ALCAM: variants seen among roughly 807,000 people sequenced by gnomAD.
ALCAM encodes CD166 antigen.
Under a neutral mutation model 70.9 loss-of-function variants are expected in ALCAM, and 30 were observed. The observed-to-expected ratio is 0.42, with a 90% confidence interval of 0.32 to 0.57. The LOEUF (loss-of-function observed/expected upper bound fraction) is 0.57, where lower values mean the gene tolerates loss of function less well. Among genes scored for constraint, ALCAM ranks in the 20% least tolerant of loss-of-function variants. The pLI is 0.11. For synonymous variants in ALCAM, 249 were observed against 242.5 expected (o/e 1.03, Z -0.25); for missense variants, 591 against 695.1 (o/e 0.85, Z 1.68).
intron 1 of ALCAM, among the ~76,000 whole-genome samples, chr3:105,382,331 G>C (rs1164393479): frequency 6.6e-6 from 1 of 151,894 alleles, no homozygotes; most frequent in African/African-American, 2.4e-5. Flanking sequence ...TCTTAATCCA[G>C]TCTATCATTG....
intron 1 of ALCAM, among the ~76,000 whole-genome samples, chr3:105,371,029 T>A (rs1350137728): frequency 2.0e-5 from 3 of 152,198 alleles, no homozygotes; most frequent in African/African-American, 7.2e-5. Flanking sequence ...AATATTTTTC[T>A]ATTGTTTTAA....
At chr3:105,562,901 G>T (rs562249878) in intron 14 of ALCAM, among the ~76,000 whole-genome samples, 2 of 152,238 alleles carry the variant, frequency 1.3e-5, no homozygotes, top group African/African-American at 4.8e-5. Flanking sequence ...CGCCTCCCAG[G>T]TTCAAATGAT....
rs376586268 is a variant in ALCAM at position 105,367,177 on chromosome 3, C to A, written c.-232C>A. On this transcript the variant is annotated 5_prime_UTR_variant, in exon 1 of 16. Transcript: ENST00000306107. Reference sequence around the variant, plus strand: ...TCCCCGGAGGAGCAGCCGAAGGGCCCGTGGGCTGGTGTTGACCGGGAGGGA... The same window carrying A: ...TCCCCGGAGGAGCAGCCGAAGGGCCAGTGGGCTGGTGTTGACCGGGAGGGA... 2.5e-4 allele frequency: 138 copies of A among 546,740 alleles called. No homozygotes were observed. The highest frequency in any genetic ancestry group is 2.5e-3 in the African/African-American group (128 of 52,024). 33.9% of individuals were successfully genotyped at this position (546,740 alleles called of 1,614,324 possible).
chr3:105,390,972 G>C (rs1305463539), intron 1 of ALCAM, among the ~76,000 whole-genome samples: 1 of 152,036 alleles, frequency 6.6e-6, no homozygotes, highest in Non-Finnish European at 1.5e-5. Flanking sequence ...TTTGGTACCT[G>C]TACCATGCTG....
intron 1 of ALCAM, among the ~76,000 whole-genome samples, chr3:105,367,997 C>A (rs1935113247): frequency 6.6e-6 from 1 of 151,894 alleles, no homozygotes; most frequent in African/African-American, 2.4e-5. Context: ...CTCCCCCCGC[C>A]CCCCTTGCGA....
intron 1 of ALCAM, among the ~76,000 whole-genome samples, chr3:105,448,150 T>G (rs187419659): frequency 1.3e-4 from 20 of 152,340 alleles, no homozygotes; most frequent in African/African-American, 4.1e-4. Flanking sequence ...ACCTGAACTG[T>G]AATTATTTCA....
intron 1 of ALCAM, among the ~76,000 whole-genome samples, chr3:105,385,028 A>G (rs531897333): frequency 6.3e-4 from 96 of 151,692 alleles, no homozygotes; most frequent in African/African-American, 2.2e-3. Context: ...CTTTTCTATT[A>G]CTTGAAAAAA....
At chr3:105,573,444 C>T (rs1449331769) in intron 15 of ALCAM, among the ~76,000 whole-genome samples, 1 of 152,010 alleles carries the variant, frequency 6.6e-6, no homozygotes, top group Non-Finnish European at 1.5e-5. Context: ...AACTTGTGCA[C>T]GTGTGTATAC....
intron 1 of ALCAM, among the ~76,000 whole-genome samples, chr3:105,509,919 A>T (rs139788038): frequency 6.6e-6 from 1 of 152,028 alleles, no homozygotes; most frequent in African/African-American, 2.4e-5. Flanking sequence ...TTTTAATTTA[A>T]CTAACCCCTT....
chr3:105,442,683 A>C (rs1937201492), intron 1 of ALCAM, among the ~76,000 whole-genome samples: 1 of 152,040 alleles, frequency 6.6e-6, no homozygotes, highest in African/African-American at 2.4e-5. Flanking sequence ...CGGGAGGCTG[A>C]GGCAGGAGAA....
At chr3:105,489,544 C>A (rs1320290212) in intron 1 of ALCAM, among the ~76,000 whole-genome samples, 2 of 152,146 alleles carry the variant, frequency 1.3e-5, no homozygotes, top group African/African-American at 4.8e-5. Flanking sequence ...TTATATTCAA[C>A]ATATTATCAA....
At chr3:105,526,144 A>G (rs987204831) in intron 3 of ALCAM, among the ~76,000 whole-genome samples, 6 of 152,168 alleles carry the variant, frequency 3.9e-5, no homozygotes, top group Admixed American at 2.6e-4. Flanking sequence ...TAATGGTTAT[A>G]TGTATTAATT....
intron 1 of ALCAM, among the ~76,000 whole-genome samples, chr3:105,475,508 C>T (rs1464706987): frequency 1.3e-5 from 2 of 151,922 alleles, no homozygotes; most frequent in Non-Finnish European, 2.9e-5. Flanking sequence ...ATGGTCTTTA[C>T]TGAGTAGAGA....
At chr3:105,553,060 T>C in intron 14 of ALCAM, 1 of 998,130 alleles carries the variant, frequency 1.0e-6, no homozygotes, top group Non-Finnish European at 1.2e-6. Context: ...TAGTTGACTT[T>C]GATCCATATA....
intron 1 of ALCAM, among the ~76,000 whole-genome samples, chr3:105,427,575 T>C (rs1029005423): frequency 6.6e-6 from 1 of 151,898 alleles, no homozygotes; most frequent in African/African-American, 2.4e-5. Context: ...CACTGTGTTC[T>C]TCATCTACCC....
At chr3:105,391,139 A>T (rs908902505) in intron 1 of ALCAM, among the ~76,000 whole-genome samples, 1 of 152,090 alleles carries the variant, frequency 6.6e-6, no homozygotes, top group Non-Finnish European at 1.5e-5. Flanking sequence ...GAAGAAAGTC[A>T]GTGGTAGCTT....
chr3:105,502,961 A>G (rs934899989), intron 1 of ALCAM, among the ~76,000 whole-genome samples: 1 of 152,254 alleles, frequency 6.6e-6, no homozygotes, highest in Admixed American at 6.5e-5. Flanking sequence ...GCACAGTATT[A>G]CAGAACTTGT....
At chr3:105,544,137 A>G (rs1182758192) in intron 8 of ALCAM, among the ~76,000 whole-genome samples, 3 of 151,646 alleles carry the variant, frequency 2.0e-5, no homozygotes, top group Admixed American at 1.3e-4. Context: ...CACAACTCCT[A>G]GTGTGGCAAG....
In ALCAM at chr3:105,547,188, C is replaced by G. The variant is rs1321970187; in HGVS notation, c.1144C>G (p.Leu382Val). The G allele has an allele frequency of 1.2e-6, 2 of 1,605,670 alleles. No individual in the cohort carries two copies. Among genetic ancestry groups the G allele is most frequent in the Non-Finnish European group, 1.7e-6 (2 of 1,176,172 alleles). Residue 382 changes from leucine (L) to valine (V), a missense_variant, in exon 10 of 16, where the codon CTT becomes GTT. Physicochemically the swap from Leu to Val is conservative, Grantham distance 32 (BLOSUM62 1). Coordinates refer to ENST00000306107, the MANE Select transcript of ALCAM (RefSeq NM_001627.4). Reference sequence around the variant, plus strand: ...TCGATCTAGCCCGTCATTTTCTAGTCTTCATTATCAGGATGCTGGAAACTA... The same window carrying G: ...TCGATCTAGCCCGTCATTTTCTAGTGTTCATTATCAGGATGCTGGAAACTA... ...RLRSSPSFSS[L>V]HYQDAGNYVC...
Sources: allele counts gnomAD v4.1 joint callset (sites outside exome capture counted in the v4.1 genomes callset), GRCh38; gene constraint gnomAD v4.1.1; transcripts MANE v1.5; gene names NCBI Gene and HGNC (gene_info 2026-07-23, HGNC 2026-07-21).